The following EPHB1 variants were observed in gnomAD, a reference collection of about 807,000 sequenced individuals.
EPHB1 encodes the protein EPH receptor B1.
EPHB1 carries 30 observed loss-of-function variants against 94.4 expected under a neutral mutation model. The observed-to-expected ratio is 0.32, with a 90% CI of 0.24 to 0.43. The LOEUF (loss-of-function observed/expected upper bound fraction) is 0.43, where lower values mean the gene tolerates loss of function less well. Among genes scored for constraint, EPHB1 ranks in the 20% least tolerant of loss-of-function variants. The probability of loss-of-function intolerance (pLI) is 1.00; values close to 1 mark genes in which losing one functional copy is unlikely to be tolerated. For synonymous variants in EPHB1, 522 were observed against 489.1 expected (o/e 1.07, Z -0.89); for missense variants, 1,055 against 1,308.3 (o/e 0.81, Z 2.99).
chr3:135,189,988 A>G (rs1302400505), intron 10 of EPHB1, among the ~76,000 whole-genome samples: 1 of 152,248 alleles, frequency 6.6e-6, no homozygotes, highest in Non-Finnish European at 1.5e-5. Flanking sequence ...CATTTGGGGC[A>G]TGATGGTCCC....
chr3:135,046,314 G>T (rs547042867), intron 3 of EPHB1, among the ~76,000 whole-genome samples: 28 of 152,226 alleles, frequency 1.8e-4, no homozygotes, highest in Non-Finnish European at 2.8e-4. Context: ...TGTCATTGTC[G>T]CATGTGAGCT....
At chr3:134,882,814 C>CTTTCTTTCTTTTCTTTCTTTTCTTTCT (rs1553861954) in intron 1 of EPHB1, among the ~76,000 whole-genome samples, 7 of 93,208 alleles carry the variant, frequency 7.5e-5, no homozygotes, top group East Asian at 5.3e-4. Flanking sequence ...TTCTTTCTTT[C>CTTTCTTTCTTTTCTTTCTTTTCTTTCT]TTTCTTTCTT....
intron 1 of EPHB1, among the ~76,000 whole-genome samples, chr3:134,861,631 G>A (rs2037261359): frequency 6.6e-6 from 1 of 152,186 alleles, no homozygotes; most frequent in Admixed American, 6.5e-5. Context: ...GAGGGACTGA[G>A]AGGGAAGATA....
intron 4 of EPHB1, among the ~76,000 whole-genome samples, chr3:135,112,261 G>GGCT: frequency 6.6e-6 from 1 of 152,334 alleles, no homozygotes; most frequent in African/African-American, 2.4e-5. Flanking sequence ...AAAACTCTGA[G>GGCT]GCTGCTGCTG....
At chr3:134,902,847 TC>T (rs1307704480) in intron 1 of EPHB1, among the ~76,000 whole-genome samples, 2 of 152,248 alleles carry the variant, frequency 1.3e-5, no homozygotes, top group Admixed American at 1.3e-4. Flanking sequence ...TCAGAGTGGT[TC>T]GACTTGAGTA....
intron 3 of EPHB1, among the ~76,000 whole-genome samples, chr3:135,002,362 T>G (rs1050951100): frequency 1.5e-4 from 23 of 152,370 alleles, no homozygotes; most frequent in Non-Finnish European, 2.9e-4. Flanking sequence ...AGTATTTTAT[T>G]GAGGATTTTT....
At chr3:135,253,261 G>C (rs1163594992) in intron 15 of EPHB1, among the ~76,000 whole-genome samples, 61 of 151,386 alleles carry the variant, frequency 4.0e-4, no homozygotes, top group African/African-American at 1.5e-3. Context: ...CATTGCTTTT[G>C]GTGTTTTAGA....
chr3:134,987,276 C>T (rs1048567341), intron 3 of EPHB1, among the ~76,000 whole-genome samples: 2 of 152,178 alleles, frequency 1.3e-5, no homozygotes, highest in Non-Finnish European at 2.9e-5. Context: ...TGAATTACGT[C>T]CCCTTAAAAT....
At chr3:134,820,786 C>T (rs974710567) in intron 1 of EPHB1, among the ~76,000 whole-genome samples, 1 of 152,106 alleles carries the variant, frequency 6.6e-6, no homozygotes, top group African/African-American at 2.4e-5. Flanking sequence ...ACCTGCTGTT[C>T]CCAATGCTGG....
At chr3:134,968,759 A>G (rs866626488) in intron 3 of EPHB1, among the ~76,000 whole-genome samples, 1 of 152,020 alleles carries the variant, frequency 6.6e-6, no homozygotes, top group Non-Finnish European at 1.5e-5. Context: ...GCAACCAGTG[A>G]TTTGTTTTTC....
At chr3:134,970,624 C>T (rs747741936) in intron 3 of EPHB1, among the ~76,000 whole-genome samples, 4 of 151,950 alleles carry the variant, frequency 2.6e-5, no homozygotes, top group Admixed American at 6.6e-5. Flanking sequence ...AAAGGATCTG[C>T]TTGTTAACTG....
chr3:135,254,942 TG>T (rs1483367168), intron 15 of EPHB1, among the ~76,000 whole-genome samples: 2 of 152,232 alleles, frequency 1.3e-5, no homozygotes, highest in Non-Finnish European at 2.9e-5. Flanking sequence ...GGTTTAGTCT[TG>T]GGAGAGTGCA....
At chr3:134,862,155 A>G (rs916823222) in intron 1 of EPHB1, among the ~76,000 whole-genome samples, 5 of 152,146 alleles carry the variant, frequency 3.3e-5, no homozygotes, top group Admixed American at 2.6e-4. Flanking sequence ...GGAGAGGCCC[A>G]TGGGCAAAGC....
intron 3 of EPHB1, among the ~76,000 whole-genome samples, chr3:135,001,517 T>C (rs1322745752): frequency 6.6e-6 from 1 of 152,152 alleles, no homozygotes; most frequent in Non-Finnish European, 1.5e-5. Context: ...TATTGACAAA[T>C]TTTGAGAAGG....
At chr3:135,081,774 T>G (rs1237637419) in intron 3 of EPHB1, among the ~76,000 whole-genome samples, 2 of 152,006 alleles carry the variant, frequency 1.3e-5, no homozygotes, top group Admixed American at 1.3e-4. Flanking sequence ...GACAATCCAC[T>G]CATGTGGATG....
chr3:135,006,976 A>G (rs538395073), intron 3 of EPHB1, among the ~76,000 whole-genome samples: 1 of 152,312 alleles, frequency 6.6e-6, no homozygotes, highest in East Asian at 1.9e-4. Context: ...TTCTGGGCTT[A>G]TGCTATGTGA....
rs954163293 is a variant in EPHB1, at chr3:134,951,240, G to A, written c.124-131G>A. ...GCGCTTAGATGTGTTCATTTCTCAA[G>A]TCAATCTGCTGGACTGGTGAGCTCT... On this transcript the variant is annotated intron_variant, in intron 2 of 15. Transcript: ENST00000398015. The surrounding 1 kb of genome is among the most constrained non-coding windows in gnomAD (Gnocchi z 4.5). The A allele has an allele frequency of 2.8e-6, 2 of 716,640 alleles. No homozygotes were observed. Among genetic ancestry groups the A allele is most frequent in the Non-Finnish European group, 4.3e-6 (2 of 463,470 alleles). 44.4% of individuals were successfully genotyped at this position (716,640 alleles called of 1,614,324 possible). A position where few individuals can be genotyped will look rare whatever the true frequency, so the allele number is the denominator to read the frequency against.
chr3:134,925,703 T>G, intron 1 of EPHB1, 113 bp from the exon 2 acceptor site: 2 of 849,902 alleles, frequency 2.4e-6, no homozygotes, highest in East Asian at 2.9e-5. Flanking sequence ...ACAAACCTCC[T>G]TGTAGTACTG....
intron 1 of EPHB1, among the ~76,000 whole-genome samples, chr3:134,848,964 G>C (rs2036925462): frequency 1.3e-5 from 2 of 152,252 alleles, no homozygotes; most frequent in South Asian, 4.1e-4. Context: ...GTAGTGTGGA[G>C]ATGCCAAAAG....
Sources: allele counts gnomAD v4.1 joint callset (sites outside exome capture counted in the v4.1 genomes callset), GRCh38; gene constraint gnomAD v4.1.1; non-coding constraint Gnocchi (gnomAD v3.1); transcripts MANE v1.5; gene names NCBI Gene and HGNC (gene_info 2026-07-23, HGNC 2026-07-21).